BLK: variants seen among roughly 807,000 people sequenced by gnomAD.
BLK encodes tyrosine-protein kinase Blk.
A neutral mutation model predicts 61.8 loss-of-function variants in BLK; 64 were observed. The ratio of observed to expected loss-of-function variants is 1.03; its 90% CI spans 0.85 to 1.27. The LOEUF is 1.27. BLK is among the 50% of genes most tolerant of loss of function. The pLI is 0.00. For missense variants in BLK, 853 were observed against 660.5 expected, an observed-to-expected ratio of 1.29 and a Z score of -3.19; for synonymous variants, 351 against 272.0, an observed-to-expected ratio of 1.29 and a Z score of -2.86.
Position 11,563,193 on chromosome 8 carries a change from G to A in BLK, c.1312+83G>A. The A allele has an allele frequency of 1.9e-6, 3 of 1,593,124 alleles. No individual in the cohort carries two copies. In the South Asian group the frequency reaches 3.4e-5, roughly 18 times the overall value. On this transcript the variant is annotated intron_variant, in intron 12 of 12. Transcript: ENST00000259089. ...AGGTCGCCTGTGCTTGGTGCCTGTGGCTGCCCTGTTCTTTTCAGAGTGAGT... is the reference window on the plus strand; with the variant it reads ...AGGTCGCCTGTGCTTGGTGCCTGTGACTGCCCTGTTCTTTTCAGAGTGAGT...
chr8:11,532,765 G>A (rs1019841594), intron 1 of BLK, among the ~76,000 whole-genome samples: 4 of 152,148 alleles, frequency 2.6e-5, no homozygotes, highest in African/African-American at 9.7e-5. Flanking sequence ...TTCTTTGCAT[G>A]CCTGGCAATT....
At chr8:11,505,746 C>T (rs540835292) in intron 1 of BLK, among the ~76,000 whole-genome samples, 78 of 152,186 alleles carry the variant, frequency 5.1e-4, no homozygotes, top group Non-Finnish European at 9.4e-4. Context: ...GAACAAGGGC[C>T]AAGTCTCCCA....
intron 1 of BLK, among the ~76,000 whole-genome samples, chr8:11,513,731 G>A (rs1325668246): frequency 6.6e-6 from 1 of 152,222 alleles, no homozygotes; most frequent in Non-Finnish European, 1.5e-5. Context: ...TAAATAGTTA[G>A]CCAGAGTTAT....
intron 1 of BLK, among the ~76,000 whole-genome samples, chr8:11,527,903 A>G (rs1799726748): frequency 6.6e-6 from 1 of 152,154 alleles, no homozygotes; most frequent in Non-Finnish European, 1.5e-5. Context: ...GTAAGGGATT[A>G]CAGAAATTAT....
At chr8:11,528,361 A>G (rs1236038664) in intron 1 of BLK, among the ~76,000 whole-genome samples, 3 of 152,226 alleles carry the variant, frequency 2.0e-5, no homozygotes, top group Non-Finnish European at 4.4e-5. Flanking sequence ...AAGTTAAACT[A>G]TAAACTAAAT....
At chr8:11,502,637 T>A (rs1798607992) in intron 1 of BLK, among the ~76,000 whole-genome samples, 1 of 152,186 alleles carries the variant, frequency 6.6e-6, no homozygotes, top group Non-Finnish European at 1.5e-5. Flanking sequence ...ATAATTCAGC[T>A]CACAAAATTC....
chr8:11,502,320 T>C (rs1189153070), intron 1 of BLK, among the ~76,000 whole-genome samples: 2 of 152,200 alleles, frequency 1.3e-5, no homozygotes, highest in Non-Finnish European at 2.9e-5. Flanking sequence ...TTATTTTTCT[T>C]TGAGAAGGAG....
intron 1 of BLK, among the ~76,000 whole-genome samples, chr8:11,539,070 C>A (rs181840230): frequency 6.6e-6 from 1 of 151,736 alleles, no homozygotes; most frequent in Admixed American, 6.6e-5. Context: ...TTTTTAAGTC[C>A]GCTGGTTTTT....
chr8:11,539,028 T>G (rs2169890), intron 1 of BLK, among the ~76,000 whole-genome samples: 150,052 of 152,246 alleles, frequency 0.99, 73,957 homozygotes, highest in East Asian at 1. Flanking sequence ...AATACTTTGG[T>G]GGGACCTGCT....
At chr8:11,548,568 C>G (rs1018530042) in intron 4 of BLK, among the ~76,000 whole-genome samples, 1 of 152,236 alleles carries the variant, frequency 6.6e-6, no homozygotes, top group Non-Finnish European at 1.5e-5. Context: ...GAAACTCCTT[C>G]TAGGTCAGCT....
intron 1 of BLK, among the ~76,000 whole-genome samples, chr8:11,497,422 G>A (rs1468253053): frequency 6.6e-6 from 1 of 152,092 alleles, no homozygotes; most frequent in African/African-American, 2.4e-5. Flanking sequence ...GGGCAGGTGC[G>A]AATGTCTCCT....
At chr8:11,535,273 A>AAAGAAAG (rs1800075021) in intron 1 of BLK, among the ~76,000 whole-genome samples, 7 of 128,150 alleles carry the variant, frequency 5.5e-5, no homozygotes, top group Admixed American at 2.2e-4. Context: ...AGAAAGAAAG[A>AAAGAAAG]AAGAAAGAAA....
chr8:11,510,213 G>C (rs1005582851), intron 1 of BLK, among the ~76,000 whole-genome samples: 6 of 152,180 alleles, frequency 3.9e-5, no homozygotes, highest in African/African-American at 1.4e-4. Flanking sequence ...ATTCATTTGG[G>C]GGCTGGCGTG....
intron 1 of BLK, 86 bp downstream of exon 1, chr8:11,494,677 G>A (rs544723570): frequency 6.6e-6 from 1 of 152,398 alleles, no homozygotes; most frequent in Non-Finnish European, 1.5e-5. Context: ...GGGCAAGCAA[G>A]CAAGGACATT....
intron 1 of BLK, among the ~76,000 whole-genome samples, chr8:11,504,367 G>GGAAGGAAGAAAAGAAAAGA (rs1554540059): frequency 2.5e-5 from 1 of 39,360 alleles, no homozygotes; most frequent in Non-Finnish European, 6.9e-5. Context: ...AAGGAAGGAA[G>GGAAGGAAGAAAAGAAAAGA]AAAGAAAAGA....
intron 1 of BLK, among the ~76,000 whole-genome samples, chr8:11,495,425 T>C (rs1016607770): frequency 2.0e-5 from 3 of 152,064 alleles, no homozygotes; most frequent in African/African-American, 7.3e-5. Context: ...AAGGGAGAAA[T>C]AGTAGCTCTG....
At chr8:11,546,591 T>C (rs1404330977) in intron 3 of BLK, among the ~76,000 whole-genome samples, 1 of 152,106 alleles carries the variant, frequency 6.6e-6, no homozygotes, top group African/African-American at 2.4e-5. Flanking sequence ...TTGGTTTTTT[T>C]TGAGACAGAG....
chr8:11,550,261 A>G lies in BLK; in HGVS notation c.471A>G (p.Lys157=), dbSNP rs1800842791. The G allele has an allele frequency of 2.7e-5, 43 of 1,613,752 alleles. No individual in the cohort carries two copies. Among genetic ancestry groups the G allele is most frequent in the Non-Finnish European group, 3.6e-5 (43 of 1,179,912 alleles). The part of the protein sequence containing the change: ...SFLIRESETN[K]GAFSLSVKDV... Reference sequence around the variant, plus strand: ...TTATCAGAGAGAGTGAAACCAACAAAGGTAGGCTTGGTGGCTTTGCCTGCC... The same window carrying G: ...TTATCAGAGAGAGTGAAACCAACAAGGGTAGGCTTGGTGGCTTTGCCTGCC... Residue 157 remains lysine (K), a splice_region_variant and synonymous_variant, in exon 6 of 13, where the codon AAA becomes AAG. Transcript: ENST00000259089.
chr8:11,526,238 AT>A (rs1369158008), intron 1 of BLK, among the ~76,000 whole-genome samples: 1 of 152,044 alleles, frequency 6.6e-6, no homozygotes, highest in African/African-American at 2.4e-5. Flanking sequence ...CATTTCCTAG[AT>A]TTTTATCAGC....
Sources: gnomAD v4.1 joint callset for allele counts (sites outside exome capture counted in the v4.1 genomes callset) on GRCh38, gnomAD v4.1.1 for gene constraint, MANE v1.5 for transcripts, NCBI Gene and HGNC (gene_info 2026-07-23, HGNC 2026-07-21) for gene names.